Variants in XXYLT1 observed in about 807,000 individuals in gnomAD.
The protein encoded by XXYLT1 is xyloside xylosyltransferase 1.
A neutral mutation model predicts 28.9 loss-of-function variants in XXYLT1; 20 were observed. The ratio of observed to expected loss-of-function variants is 0.69; its 90% CI spans 0.49 to 1.00. XXYLT1 has a LOEUF of 1.00. XXYLT1 is among the 50% of genes least tolerant of loss of function. The probability of loss-of-function intolerance (pLI) is 0.00; values close to 1 mark genes in which losing one functional copy is unlikely to be tolerated. For synonymous variants in XXYLT1, 257 were observed against 253.8 expected (o/e 1.01, Z -0.12); for missense variants, 542 against 560.1 (o/e 0.97, Z 0.33).
At chr3:195,100,841 T>C (rs974762739) in intron 3 of XXYLT1, among the ~76,000 whole-genome samples, 6 of 152,258 alleles carry the variant, frequency 3.9e-5, no homozygotes, top group Non-Finnish European at 8.8e-5. Flanking sequence ...TGTGAGTTCT[T>C]TGGGGACAGA....
rs1196980955 is a variant in XXYLT1 at position 195,088,449 on chromosome 3, A to C, written c.786-18338T>G. ...CTCACAGGGCCGGGTACTCCAACAG[A>C]CCTGCAGCTGAGGGTCCTGTCTGTT... On this transcript the variant is annotated intron_variant, in intron 3 of 3. Transcript: ENST00000310380. 2.8e-5 allele frequency among the ~76,000 whole-genome samples: 4 copies of C among 144,562 alleles called. No homozygotes were observed. The East Asian group carries it at 8.7e-4, about 31-fold the overall frequency. 94.8% of individuals were successfully genotyped at this position (144,562 alleles called of 152,430 possible).
chr3:195,179,503 G>C (rs955997710), intron 2 of XXYLT1, among the ~76,000 whole-genome samples: 1 of 152,054 alleles, frequency 6.6e-6, no homozygotes, highest in Admixed American at 6.5e-5. Context: ...CTCAAGAACT[G>C]GTTTTCAGTC....
Position 195,270,616 on chromosome 3 carries a change from C to G in XXYLT1, c.443G>C (p.Arg148Pro), listed in dbSNP as rs773190826. The G allele has an allele frequency of 6.6e-6, 10 of 1,504,492 alleles. No individual in the cohort carries two copies. Among genetic ancestry groups the G allele is most frequent in the African/African-American group, 2.9e-5 (2 of 69,796 alleles). The allele number at this position is 1,504,492 out of a possible 1,614,324, so 93.2% of individuals were successfully genotyped here. Residue 148 changes from arginine (R) to proline (P), a missense_variant, in exon 1 of 4, where the codon CGC becomes CCC. Transcript: ENST00000310380. ...NLHFVSEEASREVAKGLLREL... is the reference protein window; with the variant it reads ...NLHFVSEEASPEVAKGLLREL... ...CCGCAGCAGGCCCTTGGCCACCTCG[C>G]GGCTGGCCTCCTCGCTCACGAAGTG...
intron 3 of XXYLT1, among the ~76,000 whole-genome samples, chr3:195,122,452 C>CTTGG (rs1194304674): frequency 6.6e-6 from 1 of 152,128 alleles, no homozygotes; most frequent in African/African-American, 2.4e-5. Context: ...CTGAGTAGTA[C>CTTGG]TACTTGGTAG....
At chr3:195,153,670 A>G (rs1720403636) in intron 3 of XXYLT1, among the ~76,000 whole-genome samples, 1 of 152,244 alleles carries the variant, frequency 6.6e-6, no homozygotes, top group African/African-American at 2.4e-5. Flanking sequence ...AATTAAACTG[A>G]TTTTAAGTTG....
At chr3:195,207,627 T>C in intron 2 of XXYLT1, 1 of 305,264 alleles carries the variant, frequency 3.3e-6, no homozygotes, top group Non-Finnish European at 6.7e-6. Flanking sequence ...CTTGTATCAG[T>C]TACCTACTGC....
In XXYLT1 at chr3:195,133,258, A is replaced by G. The variant is rs1468988001; in HGVS notation, c.785+23191T>C. 6.6e-6 allele frequency among the ~76,000 whole-genome samples: 1 copy of G among 152,236 alleles called. No individual in the cohort carries two copies. Among genetic ancestry groups the G allele is most frequent in the Non-Finnish European group, 1.5e-5 (1 of 68,050 alleles). ...GCAAGTCCCAACGCTCTGATAAAAAAAGGAAAATTAATTTTTCCTGAATGG... is the reference window on the plus strand; with the variant it reads ...GCAAGTCCCAACGCTCTGATAAAAAGAGGAAAATTAATTTTTCCTGAATGG... On this transcript the variant is annotated intron_variant, in intron 3 of 3. Transcript: ENST00000310380. This position sits in a 1 kb window ranked among gnomAD's most constrained non-coding sequence, Gnocchi z 4.4.
At chr3:195,196,269 T>C (rs1414347537) in intron 2 of XXYLT1, among the ~76,000 whole-genome samples, 4 of 152,254 alleles carry the variant, frequency 2.6e-5, no homozygotes, top group Admixed American at 6.5e-5. Context: ...ATCTGTCCTA[T>C]AGGACAACAG....
At chr3:195,126,249 G>A (rs538165007) in intron 3 of XXYLT1, among the ~76,000 whole-genome samples, 1 of 152,338 alleles carries the variant, frequency 6.6e-6, no homozygotes, top group South Asian at 2.1e-4. Flanking sequence ...GCCAGACCCA[G>A]GCCTGCGGAA....
chr3:195,265,047 C>T (rs1725800852), intron 1 of XXYLT1, among the ~76,000 whole-genome samples: 1 of 150,294 alleles, frequency 6.7e-6, no homozygotes, highest in Non-Finnish European at 1.5e-5. Context: ...GCGCGGCAGA[C>T]AGAAACCCTA....
Position 195,195,335 on chromosome 3 carries a change from C to G in XXYLT1, c.652+31374G>C, listed in dbSNP as rs1722580429. 6.6e-6 allele frequency among the ~76,000 whole-genome samples: 1 copy of G among 152,158 alleles called. No individual in the cohort carries two copies. The highest frequency in any genetic ancestry group is 2.1e-4 in the South Asian group (1 of 4,830). ...GTCATACTCAATGTCATTGCTATTA[C>G]CAGCAAGACATGCCTGGCTTGAAGT... On this transcript the variant is annotated intron_variant, in intron 2 of 3. Coordinates refer to ENST00000310380, the MANE Select transcript of XXYLT1 (RefSeq NM_152531.5). The surrounding 1 kb of genome is among the most constrained non-coding windows in gnomAD (Gnocchi z 4.4).
rs1038208947 is a variant in XXYLT1, at chr3:195,180,490, A to G, written c.653-23909T>C. ...CAATTTCCTGTTCCTTTTTCTTTCT[A>G]TGCTCCTCTTCCTGGCTCTGTAGCC... On this transcript the variant is annotated intron_variant, in intron 2 of 3. Coordinates refer to ENST00000310380, the MANE Select transcript of XXYLT1 (RefSeq NM_152531.5). This position sits in a 1 kb window ranked among gnomAD's most constrained non-coding sequence, Gnocchi z 5.8. The G allele has an allele frequency of 6.1e-6, 6 of 984,966 alleles. No individual in the cohort carries two copies. The highest frequency in any genetic ancestry group is 9.4e-5 in the South Asian group (2 of 21,272). The allele number at this position is 984,966 out of a possible 1,614,324, so 61.0% of individuals were successfully genotyped here. A position where few individuals can be genotyped will look rare whatever the true frequency, so the allele number is the denominator to read the frequency against.
Position 195,269,593 on chromosome 3 carries a change from A to G in XXYLT1, c.504+962T>C, listed in dbSNP as rs555328291. Among the ~76,000 whole-genome samples the G allele has an allele frequency of 2.0e-5, 3 of 152,342 alleles. No individual in the cohort carries two copies. In the South Asian group the frequency reaches 6.2e-4, roughly 32 times the overall value. On this transcript the variant is annotated intron_variant, in intron 1 of 3. Transcript: ENST00000310380. ...CTGGGACTTCACCCCGTAGGCAACAAGGAGCTATCAGAGACTCCCGAAGCC... is the reference window on the plus strand; with the variant it reads ...CTGGGACTTCACCCCGTAGGCAACAGGGAGCTATCAGAGACTCCCGAAGCC...
At chr3:195,175,273 C>A (rs1721605625) in intron 2 of XXYLT1, among the ~76,000 whole-genome samples, 1 of 152,230 alleles carries the variant, frequency 6.6e-6, no homozygotes, top group Admixed American at 6.5e-5. Flanking sequence ...ACAAGAGAGG[C>A]TCTTCTACAG....
At chr3:195,250,551 T>G (rs2108839198) in intron 1 of XXYLT1, among the ~76,000 whole-genome samples, 2 of 143,754 alleles carry the variant, frequency 1.4e-5, no homozygotes, top group South Asian at 4.5e-4. Context: ...GCGGCAAGAG[T>G]GCAACTCCAT....
At chr3:195,237,779 T>C (rs1005658143) in intron 1 of XXYLT1, among the ~76,000 whole-genome samples, 1 of 152,208 alleles carries the variant, frequency 6.6e-6, no homozygotes, top group African/African-American at 2.4e-5. Flanking sequence ...AAGGTACCGT[T>C]TCCTTTATCC....
chr3:195,077,763 G>A lies in XXYLT1; in HGVS notation c.786-7652C>T, dbSNP rs1237635022. On this transcript the variant is annotated intron_variant, in intron 3 of 3. Transcript: ENST00000310380. This position sits in a 1 kb window ranked among gnomAD's most constrained non-coding sequence, Gnocchi z 4.8. ...GAGCCCTGCAGAAGGGCAGCTGGCA[G>A]GCCTGAGGCCTCCACATGGCACGGC... Among the ~76,000 whole-genome samples the A allele has an allele frequency of 1.3e-5, 2 of 152,194 alleles. No homozygotes were observed. The highest frequency in any genetic ancestry group is 3.9e-4 in the East Asian group (2 of 5,192).
At chr3:195,122,057 G>C (rs1027673747) in intron 3 of XXYLT1, 1 of 703,016 alleles carries the variant, frequency 1.4e-6, no homozygotes, top group Non-Finnish European at 2.6e-6. Context: ...CAAGACCAAC[G>C]TGCCCACTGA....
At position 195,124,871 on chromosome 3, in the gene XXYLT1, G is replaced by A. The variant is rs781521343; in HGVS notation, c.785+31578C>T. On this transcript the variant is annotated intron_variant, in intron 3 of 3. Coordinates refer to ENST00000310380, the MANE Select transcript of XXYLT1 (RefSeq NM_152531.5). This position sits in a 1 kb window ranked among gnomAD's most constrained non-coding sequence, Gnocchi z 4.1. Reference sequence around the variant, plus strand: ...AGCCGGCACTGGCAGCGTTTTTCACGGACGCAGCACACATCTGTATTTTCT... The same window carrying A: ...AGCCGGCACTGGCAGCGTTTTTCACAGACGCAGCACACATCTGTATTTTCT... Among the ~76,000 whole-genome samples, 1 of 152,174 alleles carries A rather than the reference G, an allele frequency of 6.6e-6. No individual in the cohort carries two copies. The highest frequency in any genetic ancestry group is 1.5e-5 in the Non-Finnish European group (1 of 68,034).
Sources: allele counts gnomAD v4.1 joint callset (sites outside exome capture counted in the v4.1 genomes callset), GRCh38; gene constraint gnomAD v4.1.1; non-coding constraint Gnocchi (gnomAD v3.1); transcripts MANE v1.5; gene names NCBI Gene and HGNC (gene_info 2026-07-23, HGNC 2026-07-21).